Variants in SYNPO observed in about 807,000 individuals in gnomAD.
The protein encoded by SYNPO is synaptopodin.
In SYNPO, 19 loss-of-function variants were observed where a neutral mutation model predicts 49.5. That is an observed-to-expected ratio of 0.38 (90% CI 0.27 to 0.56). The LOEUF is 0.56. SYNPO is among the 20% of genes least tolerant of loss of function. The pLI is 0.68. For missense variants in SYNPO, 1,131 were observed against 1,248.3 expected, an observed-to-expected ratio of 0.91 and a Z score of 1.42; for synonymous variants, 536 against 548.0, an observed-to-expected ratio of 0.98 and a Z score of 0.31.
intron 2 of SYNPO, among the ~76,000 whole-genome samples, chr5:150,632,607 A>G (rs1049777077): frequency 7.2e-5 from 11 of 152,280 alleles, no homozygotes; most frequent in African/African-American, 2.6e-4. Flanking sequence ...AGCTTCTGAC[A>G]GTTGGCCTCT....
At position 150,651,988 on chromosome 5, in the gene SYNPO, T is replaced by G. The variant is rs1055481684; in HGVS notation, c.2028+1685T>G. The G allele has an allele frequency of 1.6e-5, 16 of 1,000,394 alleles. No individual in the cohort carries two copies. The Admixed American group carries it at 3.7e-4, about 23-fold the overall frequency. 62.0% of individuals were successfully genotyped at this position (1,000,394 alleles called of 1,614,324 possible). On this transcript the variant is annotated intron_variant, in intron 2 of 2. Coordinates refer to ENST00000307662, the MANE Select transcript of SYNPO (RefSeq NM_007286.6). Reference sequence around the variant, plus strand: ...CACTTCTCTTTCCCAGCCCTAGTTCTGGGTTCCCCAGTGGGGCAAGGGGTG... The same window carrying G: ...CACTTCTCTTTCCCAGCCCTAGTTCGGGGTTCCCCAGTGGGGCAAGGGGTG...
At chr5:150,618,381 A>G (rs866879688) in exon 2 of SYNPO, 1 of 1,548,878 alleles carries the variant, frequency 6.5e-7, no homozygotes, top group African/African-American at 1.4e-5. Context: ...CTGGGTCCTC[A>G]CCTCCCACCT....
upstream of SYNPO, among the ~76,000 whole-genome samples, chr5:150,599,928 G>A (rs373608642): frequency 5.9e-5 from 9 of 152,164 alleles, no homozygotes; most frequent in East Asian, 1.9e-4. Flanking sequence ...GGCCACCTCC[G>A]GAGAATGAAT....
chr5:150,590,030 A>T, the SYNPO span, among the ~76,000 whole-genome samples: 1 of 152,220 alleles, frequency 6.6e-6, no homozygotes, highest in African/African-American at 2.4e-5. Context: ...AGTTCAGCCA[A>T]AGCCCGCGCA....
intron 2 of SYNPO, chr5:150,652,273 C>T (rs979200330): frequency 2.1e-5 from 21 of 999,548 alleles, no homozygotes; most frequent in East Asian, 1.1e-4. Context: ...GCAGCTCCTG[C>T]GGCCAGGCTG....
rs1161489365 is a variant in SYNPO, at chr5:150,618,120, T to G, written c.-248T>G. On this transcript the variant is annotated 5_prime_UTR_variant, in exon 2 of 3. Transcript: ENST00000394243. Reference sequence around the variant, plus strand: ...GCCGATAGATTGCCCCAAAGCGGCCTCACACCAGAGACGGGTTAAGAAGAG... The same window carrying G: ...GCCGATAGATTGCCCCAAAGCGGCCGCACACCAGAGACGGGTTAAGAAGAG... The G allele has an allele frequency of 8.7e-6, 4 of 457,444 alleles. No individual in the cohort carries two copies. The East Asian group carries it at 1.4e-4, about 16-fold the overall frequency. The allele number at this position is 457,444 out of a possible 1,614,324, so 28.3% of individuals were successfully genotyped here.
chr5:150,616,228 G>T (rs1434232116), intron 1 of SYNPO, among the ~76,000 whole-genome samples: 2 of 152,194 alleles, frequency 1.3e-5, no homozygotes, highest in African/African-American at 2.4e-5. Context: ...GCAGTGGGAG[G>T]TGCCTGACCC....
At chr5:150,640,416 C>T (rs952399293), upstream of SYNPO, among the ~76,000 whole-genome samples, 10 of 152,164 alleles carry the variant, frequency 6.6e-5, no homozygotes, top group African/African-American at 2.4e-4. Context: ...GCTGAGGGCA[C>T]AGAGAGAAGG....
At chr5:150,651,466 C>T in intron 2 of SYNPO, 1 of 1,000,580 alleles carries the variant, frequency 1.0e-6, no homozygotes, top group Non-Finnish European at 1.2e-6. Context: ...CAAGACAGTC[C>T]CCTGGGAAGA....
intron 1 of SYNPO, chr5:150,615,240 A>C (rs1037569746): frequency 1.3e-5 from 2 of 151,668 alleles, no homozygotes; most frequent in African/African-American, 4.9e-5. Context: ...GCTCCTGCCA[A>C]CTCCTCCCTC....
Position 150,649,231 on chromosome 5 carries a change from C to T in SYNPO, c.956C>T (p.Pro319Leu), listed in dbSNP as rs954991513. The T allele has an allele frequency of 1.9e-6, 3 of 1,614,092 alleles. No homozygotes were observed. Among genetic ancestry groups the T allele is most frequent in the Non-Finnish European group, 2.5e-6 (3 of 1,180,014 alleles). ...RRPLGNFTAPPTYTETLSTAP... is the reference protein window; with the variant it reads ...RRPLGNFTAPLTYTETLSTAP... ...CCCTTGGGGAACTTCACTGCACCCC[C>T]CACCTACACTGAGACCTTGTCCACA... Residue 319 changes from proline to leucine, a missense_variant, in exon 2 of 3, where the codon CCC becomes CTC. Transcript: ENST00000307662.
At chr5:150,596,749 C>A (rs1297185558), upstream of SYNPO, among the ~76,000 whole-genome samples, 2 of 152,170 alleles carry the variant, frequency 1.3e-5, no homozygotes, top group African/African-American at 4.8e-5. Context: ...GTGTCTCCTG[C>A]TGAGCAAGGG....
intron 1 of SYNPO, among the ~76,000 whole-genome samples, chr5:150,616,597 C>G (rs1344100585): frequency 6.6e-6 from 1 of 152,204 alleles, no homozygotes; most frequent in Non-Finnish European, 1.5e-5. Flanking sequence ...TCTCTAGACC[C>G]CTATGTGGAA....
intron 2 of SYNPO, among the ~76,000 whole-genome samples, chr5:150,620,901 C>CTT (rs1400779886): frequency 2.3e-5 from 2 of 87,688 alleles, no homozygotes; most frequent in South Asian, 4.4e-4. Context: ...CTTTTTTTCT[C>CTT]TTTCTTTCTT....
chr5:150,609,564 G>A (rs1304240260), intron 1 of SYNPO, among the ~76,000 whole-genome samples: 3 of 152,174 alleles, frequency 2.0e-5, no homozygotes, highest in Admixed American at 6.5e-5. Context: ...CAAAATGCTG[G>A]GATTATCGGC....
chr5:150,592,857 A>T, the SYNPO span, among the ~76,000 whole-genome samples: 1 of 152,182 alleles, frequency 6.6e-6, no homozygotes, highest in Non-Finnish European at 1.5e-5. Context: ...CTCTAATACC[A>T]CCTACCAGTC....
the SYNPO span, among the ~76,000 whole-genome samples, chr5:150,587,476 G>T: frequency 6.6e-6 from 1 of 152,002 alleles, no homozygotes; most frequent in Non-Finnish European, 1.5e-5. Flanking sequence ...TGGGTAGGTA[G>T]GTGGATAAAT....
chr5:150,646,722 C>T (rs1344490841), intron 1 of SYNPO, among the ~76,000 whole-genome samples: 1 of 150,288 alleles, frequency 6.7e-6, no homozygotes, highest in East Asian at 1.9e-4. Context: ...AAGGTACTGT[C>T]TCAAAAAAAT....
At chr5:150,620,278 G>A (rs138552668) in intron 2 of SYNPO, among the ~76,000 whole-genome samples, 312 of 152,306 alleles carry the variant, frequency 2.0e-3, no homozygotes, top group Non-Finnish European at 3.3e-3. Flanking sequence ...TGTAAGAAAC[G>A]TTTATACCTA....
Sources: allele counts gnomAD v4.1 joint callset (sites outside exome capture counted in the v4.1 genomes callset), GRCh38; gene constraint gnomAD v4.1.1; transcripts MANE v1.5; gene names NCBI Gene and HGNC (gene_info 2026-07-23, HGNC 2026-07-21).